The following SLCO3A1 variants were observed in gnomAD, a reference collection of about 807,000 sequenced individuals.
SLCO3A1 encodes PGE1 transporter.
In SLCO3A1, 27 loss-of-function variants were observed where a neutral mutation model predicts 63.1. The observed-to-expected ratio is 0.43, with a 90% confidence interval of 0.32 to 0.59. The LOEUF (loss-of-function observed/expected upper bound fraction) is 0.59, where lower values mean the gene tolerates loss of function less well. Among genes scored for constraint, SLCO3A1 ranks in the 20% least tolerant of loss-of-function variants. The pLI is 0.09. For missense variants in SLCO3A1, 773 were observed against 945.8 expected (o/e 0.82, Z 2.40); for synonymous variants, 473 against 409.9 (o/e 1.15, Z -1.86).
chr15:91,911,634 A>G (rs552133005), intron 1 of SLCO3A1, among the ~76,000 whole-genome samples: 11 of 150,274 alleles, frequency 7.3e-5, no homozygotes, highest in African/African-American at 2.7e-4. Context: ...AGATATTTAG[A>G]TTTTTTTTTT....
Position 92,005,898 on chromosome 15 carries a change from T to C in SLCO3A1, c.647-88983T>C, listed in dbSNP as rs960084210. Among the ~76,000 whole-genome samples the C allele has an allele frequency of 3.9e-5, 6 of 152,158 alleles. No homozygotes were observed. In the East Asian group the frequency reaches 9.7e-4, roughly 25 times the overall value. ...TGCTGAACCTGCCACACACTGACTT[T>C]GGGACTGAGCGAAAGCGTTTCTGAG... On this transcript the variant is annotated intron_variant, in intron 2 of 9. Transcript: ENST00000318445.
At chr15:92,063,071 G>A (rs539134613) in intron 2 of SLCO3A1, among the ~76,000 whole-genome samples, 11 of 152,310 alleles carry the variant, frequency 7.2e-5, no homozygotes, top group East Asian at 3.9e-4. Flanking sequence ...TCAGAATAAC[G>A]CCTTAAGGTT....
chr15:92,022,173 G>A (rs2046517254), intron 2 of SLCO3A1, among the ~76,000 whole-genome samples: 1 of 152,202 alleles, frequency 6.6e-6, no homozygotes, highest in South Asian at 2.1e-4. Flanking sequence ...AAAAGGACAA[G>A]ATTTTAGCAG....
chr15:92,076,884 G>T (rs1410976403), intron 2 of SLCO3A1, among the ~76,000 whole-genome samples: 1 of 152,186 alleles, frequency 6.6e-6, no homozygotes, highest in Non-Finnish European at 1.5e-5. Flanking sequence ...TGAGATTGGG[G>T]AGTGTATTAG....
At chr15:92,032,134 T>C (rs1027052402) in intron 2 of SLCO3A1, among the ~76,000 whole-genome samples, 3 of 152,222 alleles carry the variant, frequency 2.0e-5, no homozygotes, top group African/African-American at 7.2e-5. Flanking sequence ...GGGTCTCTGC[T>C]ATAGCAATGT....
intron 8 of SLCO3A1, among the ~76,000 whole-genome samples, chr15:92,148,225 G>T (rs775580520): frequency 1.3e-5 from 2 of 152,192 alleles, no homozygotes; most frequent in African/African-American, 2.4e-5. Flanking sequence ...GGGGAGAAAA[G>T]ACAGACTTGC....
At chr15:91,987,753 A>AAAG (rs2046072245) in intron 2 of SLCO3A1, among the ~76,000 whole-genome samples, 1 of 151,742 alleles carries the variant, frequency 6.6e-6, no homozygotes, top group Admixed American at 6.6e-5. Flanking sequence ...AAAAAAAAAA[A>AAAG]AAAAGATAAT....
At chr15:91,879,777 T>G (rs1897507128) in intron 1 of SLCO3A1, among the ~76,000 whole-genome samples, 1 of 152,208 alleles carries the variant, frequency 6.6e-6, no homozygotes, top group African/African-American at 2.4e-5. Context: ...GGGACAGGTT[T>G]TTGGCTTTCT....
At chr15:92,169,735 C>A (rs2048511614), downstream of SLCO3A1, among the ~76,000 whole-genome samples, 1 of 152,350 alleles carries the variant, frequency 6.6e-6, no homozygotes, top group African/African-American at 2.4e-5. Context: ...GAGATCAGCT[C>A]TGACCCCAGG....
intron 2 of SLCO3A1, among the ~76,000 whole-genome samples, chr15:92,006,334 G>T (rs895812779): frequency 6.6e-6 from 1 of 152,178 alleles, no homozygotes; most frequent in African/African-American, 2.4e-5. Flanking sequence ...CATGACATAA[G>T]CTACAGCTTC....
chr15:92,006,876 T>C (rs924112580), intron 2 of SLCO3A1, among the ~76,000 whole-genome samples: 2 of 152,356 alleles, frequency 1.3e-5, no homozygotes, highest in South Asian at 4.1e-4. Context: ...TGTATCCTTT[T>C]AGCAATGTCT....
chr15:92,003,400 C>G (rs2046278089), intron 2 of SLCO3A1, among the ~76,000 whole-genome samples: 1 of 152,170 alleles, frequency 6.6e-6, no homozygotes, highest in Non-Finnish European at 1.5e-5. Flanking sequence ...AGTATACATT[C>G]CTTTTGCTTA....
chr15:91,945,529 C>T (rs901356132), intron 2 of SLCO3A1, among the ~76,000 whole-genome samples: 4 of 152,040 alleles, frequency 2.6e-5, no homozygotes, highest in African/African-American at 7.2e-5. Flanking sequence ...GGGGAAACAC[C>T]GAAGGCAGCA....
At chr15:91,920,862 A>G (rs1898820011) in intron 2 of SLCO3A1, among the ~76,000 whole-genome samples, 1 of 152,142 alleles carries the variant, frequency 6.6e-6, no homozygotes, top group Admixed American at 6.5e-5. Flanking sequence ...GGGTAGGCGG[A>G]TGGTATCTAA....
chr15:92,092,870 T>C (rs1308948922), intron 2 of SLCO3A1, among the ~76,000 whole-genome samples: 1 of 152,182 alleles, frequency 6.6e-6, no homozygotes, highest in Non-Finnish European at 1.5e-5. Context: ...AAGTGACACA[T>C]TTTCATTTTC....
At chr15:92,080,709 A>C (rs1374161300) in intron 2 of SLCO3A1, among the ~76,000 whole-genome samples, 1 of 152,192 alleles carries the variant, frequency 6.6e-6, no homozygotes, top group Non-Finnish European at 1.5e-5. Flanking sequence ...CTGAGTGCTC[A>C]CACTCGTGGC....
intron 2 of SLCO3A1, among the ~76,000 whole-genome samples, chr15:91,944,944 T>G (rs1182389182): frequency 6.6e-6 from 1 of 152,182 alleles, no homozygotes; most frequent in Non-Finnish European, 1.5e-5. Flanking sequence ...TCTCCAATAT[T>G]CTCTTTAACT....
At chr15:91,889,016 A>G in intron 1 of SLCO3A1, 1 of 479,388 alleles carries the variant, frequency 2.1e-6, no homozygotes, top group Non-Finnish European at 3.1e-6. Context: ...TCTAAAAAAA[A>G]AAAAGAAAAG....
chr15:92,070,096 G>A (rs2047197212), intron 2 of SLCO3A1, among the ~76,000 whole-genome samples: 1 of 152,158 alleles, frequency 6.6e-6, no homozygotes, highest in Non-Finnish European at 1.5e-5. Context: ...GAGGCAGGGT[G>A]GAAAGAAAAC....
Sources: allele counts gnomAD v4.1 joint callset (sites outside exome capture counted in the v4.1 genomes callset), GRCh38; gene constraint gnomAD v4.1.1; transcripts MANE v1.5; gene names NCBI Gene and HGNC (gene_info 2026-07-23, HGNC 2026-07-21).